MOCS1: variants seen among roughly 807,000 people sequenced by gnomAD.
The protein encoded by MOCS1 is molybdenum cofactor biosynthesis protein 1.
A neutral mutation model predicts 57.6 loss-of-function variants in MOCS1; 39 were observed. The ratio of observed to expected loss-of-function variants is 0.68; its 90% CI spans 0.52 to 0.88. MOCS1 has a LOEUF of 0.88. Among genes scored for constraint, MOCS1 ranks in the 40% least tolerant of loss-of-function variants. The pLI is 0.00. For missense variants in MOCS1, 795 were observed against 831.1 expected, an observed-to-expected ratio of 0.96 and a Z score of 0.53; for synonymous variants, 334 against 335.7, an observed-to-expected ratio of 1.00 and a Z score of 0.05.
chr6:39,932,784 G>T (rs1405111442), intron 1 of MOCS1, among the ~76,000 whole-genome samples: 1 of 152,196 alleles, frequency 6.6e-6, no homozygotes, highest in Non-Finnish European at 1.5e-5. Context: ...GCACTTACAT[G>T]GGCTAAGCTT....
intron 3 of MOCS1, among the ~76,000 whole-genome samples, chr6:39,921,924 C>G (rs1767995501): frequency 6.6e-6 from 1 of 152,184 alleles, no homozygotes; most frequent in African/African-American, 2.4e-5. Flanking sequence ...GATCCTCTCC[C>G]TTTTCCCACC....
At chr6:39,923,113 C>T (rs1261654063) in intron 3 of MOCS1, among the ~76,000 whole-genome samples, 1 of 152,148 alleles carries the variant, frequency 6.6e-6, no homozygotes, top group East Asian at 1.9e-4. Flanking sequence ...GGAGGTGTTT[C>T]ACCCACCCCC....
intron 1 of MOCS1, among the ~76,000 whole-genome samples, chr6:39,928,993 G>C (rs1038367315): frequency 4.6e-5 from 7 of 152,188 alleles, no homozygotes; most frequent in African/African-American, 7.2e-5. Context: ...CTGGATCTCT[G>C]AATCTGTTAC....
At chr6:39,912,124 C>T in intron 8 of MOCS1, 140 bp downstream of exon 8, 2 of 725,118 alleles carry the variant, frequency 2.8e-6, no homozygotes, top group Non-Finnish European at 5.0e-6. Context: ...CATCATGCCC[C>T]CAAACCTGAC....
At position 39,906,261 on chromosome 6, in the gene MOCS1, CAG is replaced by C. The variant is rs1210166026; in HGVS notation, c.*94_*95del. On this transcript the variant is annotated 3_prime_UTR_variant, in exon 11 of 11. Transcript: ENST00000340692. ...GGGTTTACTGCTCAAGGTAAACAAA[CAG>C]TGACTGTGATTAAAGGAACCTGACG... 5 of 1,487,528 alleles carry C rather than the reference CAG, an allele frequency of 3.4e-6. No homozygotes were observed. In the African/African-American group the frequency reaches 6.9e-5, roughly 21 times the overall value. The allele number at this position is 1,487,528 out of a possible 1,614,324, so 92.1% of individuals were successfully genotyped here.
intron 7 of MOCS1, among the ~76,000 whole-genome samples, 198 bp downstream of exon 7, chr6:39,912,694 G>GC (rs1041614035): frequency 6.6e-6 from 1 of 152,146 alleles, no homozygotes; most frequent in Non-Finnish European, 1.5e-5. Context: ...ATGTTACTGA[G>GC]CCCCCCACCC....
At position 39,925,804 on chromosome 6, in the gene MOCS1, T is replaced by C; in HGVS notation, c.292A>G (p.Lys98Glu). ...TCCTCTGTGGTCAGCAGGTTGGCTT[T>C]GGGGGTCAGCGGGACCCCCTCCTCG... The part of the protein sequence containing the change: ...MPEEGVPLTP[K>E]ANLLTTEEIL... The change falls in exon 3 of 11, where the codon AAA becomes GAA. Residue 98 changes from lysine to glutamate, a missense_variant. By Grantham distance (56) the Lys-to-Glu change is moderately conservative. Around this residue, in one of 3 missense-constraint regions of MOCS1, gnomAD observed 416 missense variants for 392.4 expected, o/e 1.06. Coordinates refer to ENST00000340692, the MANE Select transcript of MOCS1 (RefSeq NM_001358530.2). 2 of 1,612,752 alleles carry C rather than the reference T, an allele frequency of 1.2e-6. No homozygotes were observed. The highest frequency in any genetic ancestry group is 1.7e-6 in the Non-Finnish European group (2 of 1,179,936).
At chr6:39,927,183 C>G (rs954805771) in intron 2 of MOCS1, 146 bp downstream of exon 2, 1 of 1,010,648 alleles carries the variant, frequency 9.9e-7, no homozygotes, top group Non-Finnish European at 1.5e-6. Context: ...CTGAAGCCCA[C>G]CTGGCCTGGT....
At chr6:39,928,457 C>T (rs1261970668) in intron 1 of MOCS1, among the ~76,000 whole-genome samples, 1 of 152,188 alleles carries the variant, frequency 6.6e-6, no homozygotes, top group East Asian at 1.9e-4. Context: ...AGCCACCACA[C>T]CCGACCCTGA....
Position 39,904,711 on chromosome 6 carries a change from T to C in MOCS1, c.*1646A>G. The C allele has an allele frequency of 2.2e-6, 1 of 454,140 alleles. No individual in the cohort carries two copies. Among genetic ancestry groups the C allele is most frequent in the Non-Finnish European group, 4.4e-6 (1 of 226,788 alleles). The allele number at this position is 454,140 out of a possible 1,614,324, so 28.1% of individuals were successfully genotyped here. ...GTGACTATCTATCTCCCCCGACTTC[T>C]ACCAGGGATGCCTTCACGCCAAGGC... is the stretch of plus-strand genomic sequence containing the variant. On this transcript the variant is annotated 3_prime_UTR_variant, in exon 11 of 11. Transcript: ENST00000340692.
At chr6:39,923,622 T>C (rs1768100565) in intron 3 of MOCS1, among the ~76,000 whole-genome samples, 1 of 152,262 alleles carries the variant, frequency 6.6e-6, no homozygotes, top group African/African-American at 2.4e-5. Context: ...AGCCCTTTCC[T>C]GGCAGCCAGC....
intron 3 of MOCS1, 70 bp from the exon 4 acceptor site, chr6:39,916,302 G>A: frequency 1.3e-6 from 2 of 1,588,954 alleles, no homozygotes; most frequent in Non-Finnish European, 1.7e-6. Flanking sequence ...AGGGCTGGAA[G>A]GCAAAACTCT....
chr6:39,927,278 T>C, intron 2 of MOCS1, 51 bp downstream of exon 2: 1 of 1,600,840 alleles, frequency 6.2e-7, no homozygotes, highest in African/African-American at 1.3e-5. Context: ...TTTCAAGGGC[T>C]GCTTCAGCAG....
intron 10 of MOCS1, 56 bp downstream of exon 10, chr6:39,908,999 C>A (rs749111208): frequency 6.6e-7 from 1 of 1,517,296 alleles, no homozygotes. Context: ...CGGCTCCCAC[C>A]CCACGAGATC....
At chr6:39,928,949 T>G (rs1435259941) in intron 1 of MOCS1, among the ~76,000 whole-genome samples, 2 of 152,308 alleles carry the variant, frequency 1.3e-5, no homozygotes, top group East Asian at 1.9e-4. Flanking sequence ...TCTGGAGAAC[T>G]TTAAAAAAAC....
intron 3 of MOCS1, among the ~76,000 whole-genome samples, chr6:39,921,362 G>A (rs924587637): frequency 1.1e-4 from 17 of 151,742 alleles, no homozygotes; most frequent in African/African-American, 3.9e-4. Context: ...TCGCACCACT[G>A]CACTCCAGCC....
rs776612520 is a variant in MOCS1 at position 39,913,755 on chromosome 6, G to A, written c.645+19C>T. 2.3e-5 allele frequency: 37 copies of A among 1,613,746 alleles called. No homozygotes were observed. The highest frequency in any genetic ancestry group is 2.8e-5 in the Non-Finnish European group (33 of 1,179,760). ...GTGTGGAGGGAAGTCGGGAATCTAC[G>A]GCAGGGGCACGGCCTCACCTTCACA... is the stretch of plus-strand genomic sequence containing the variant. On this transcript the variant is annotated intron_variant, in intron 5 of 10. Transcript: ENST00000340692.
chr6:39,919,473 G>A (rs1436935405), intron 3 of MOCS1, among the ~76,000 whole-genome samples: 1 of 150,904 alleles, frequency 6.6e-6, no homozygotes, highest in African/African-American at 2.5e-5. Flanking sequence ...GGGTGACAGA[G>A]TAAGACTCTG....
intron 7 of MOCS1, 77 bp from the exon 8 acceptor site, chr6:39,912,451 C>T (rs2149403080): frequency 2.9e-6 from 3 of 1,030,430 alleles, no homozygotes; most frequent in East Asian, 2.4e-5. Flanking sequence ...TCCATGACAT[C>T]AGAACCTCCA....
Sources: gnomAD v4.1 joint callset for allele counts (sites outside exome capture counted in the v4.1 genomes callset) on GRCh38, gnomAD v4.1.1 for gene constraint, gnomAD v4.1.1 regional missense constraint, MANE v1.5 for transcripts, NCBI Gene and HGNC (gene_info 2026-07-23, HGNC 2026-07-21) for gene names.